The following SLC24A2 variants were observed in gnomAD, a reference collection of about 807,000 sequenced individuals.
SLC24A2 encodes sodium/potassium/calcium exchanger 2.
A neutral mutation model predicts 62.0 loss-of-function variants in SLC24A2; 36 were observed. The observed-to-expected ratio is 0.58, with a 90% CI of 0.44 to 0.77. SLC24A2 has a LOEUF of 0.77. SLC24A2 is among the 30% of genes least tolerant of loss of function. The pLI is 0.00. For missense variants in SLC24A2, 846 were observed against 817.9 expected (o/e 1.03, Z -0.42); for synonymous variants, 358 against 294.0 (o/e 1.22, Z -2.23).
the SLC24A2 span, among the ~76,000 whole-genome samples, chr9:19,820,014 TATATATATATACACATATATATATATAC>T: frequency 3.7e-5 from 4 of 106,990 alleles, no homozygotes; most frequent in African/African-American, 7.0e-5. Context: ...TATGTGTATA[TATATATATATACACATATATATATATAC>T]ATATATATAT....
At chr9:19,840,775 T>C in the SLC24A2 span, among the ~76,000 whole-genome samples, 1 of 152,108 alleles carries the variant, frequency 6.6e-6, no homozygotes, top group East Asian at 1.9e-4. Flanking sequence ...TTGAGCTCCC[T>C]TCCCCTCTCT....
intron 2 of SLC24A2, among the ~76,000 whole-genome samples, chr9:19,730,939 T>C (rs1413491225): frequency 6.6e-6 from 1 of 152,164 alleles, no homozygotes; most frequent in East Asian, 1.9e-4. Context: ...ATATTCATCT[T>C]TCAAGCACCT....
chr9:19,785,940 T>G lies in SLC24A2; in HGVS notation c.927A>C (p.Ala309=). ...ATAAAAATCCACCACCACCAACCTT[T>G]GCTTGGGCTTCTGGTGCTGTCACCT... ...VVKVTAPEAQ[A]KPSAARDKDE... is the part of the protein sequence containing the mutation. Residue 309 remains alanine, a synonymous_variant, in exon 2 of 11, where the codon GCA becomes GCC. Transcript: ENST00000341998. 6.2e-7 allele frequency: 1 copy of G among 1,614,200 alleles called. No homozygotes were observed. Among genetic ancestry groups the G allele is most frequent in the Non-Finnish European group, 8.5e-7 (1 of 1,180,026 alleles).
chr9:20,053,542 A>C, the SLC24A2 span, among the ~76,000 whole-genome samples: 1 of 152,110 alleles, frequency 6.6e-6, no homozygotes, highest in Non-Finnish European at 1.5e-5. Flanking sequence ...CTGAAAATTC[A>C]TATGTTGAAA....
intron 8 of SLC24A2, among the ~76,000 whole-genome samples, chr9:19,536,199 T>G (rs894568637): frequency 1.5e-4 from 23 of 150,348 alleles, no homozygotes; most frequent in Admixed American, 1.3e-3. Flanking sequence ...ATTTTTTATT[T>G]ATTTATTTTT....
At position 19,511,461 on chromosome 9, in the gene SLC24A2, T is replaced by G. The variant is rs1017210940; in HGVS notation, c.*4692A>C. The G allele has an allele frequency of 4.6e-5, 7 of 152,214 alleles. No individual in the cohort carries two copies. The highest frequency in any genetic ancestry group is 3.3e-4 in the Admixed American group (5 of 15,280). 9.4% of individuals were successfully genotyped at this position (152,214 alleles called of 1,614,324 possible). ...CCTGATATTTGTTACTGTTTTAAAC[T>G]ACATAGGGATATATTTCCACGTGAC... is the stretch of plus-strand genomic sequence containing the variant. On this transcript the variant is annotated 3_prime_UTR_variant, in exon 11 of 11. Transcript: ENST00000341998.
the SLC24A2 span, among the ~76,000 whole-genome samples, chr9:19,828,793 T>A: frequency 6.6e-6 from 1 of 152,164 alleles, no homozygotes; most frequent in African/African-American, 2.4e-5. Context: ...TGTTGGCAAG[T>A]CATCCAGCAT....
At chr9:19,709,869 G>T (rs1331326611) in intron 2 of SLC24A2, among the ~76,000 whole-genome samples, 1 of 151,810 alleles carries the variant, frequency 6.6e-6, no homozygotes, top group Non-Finnish European at 1.5e-5. Context: ...CCTGCACATT[G>T]TGCACATGTA....
the SLC24A2 span, among the ~76,000 whole-genome samples, chr9:20,055,063 A>G: frequency 5.9e-5 from 9 of 152,212 alleles, no homozygotes; most frequent in Non-Finnish European, 1.0e-4. Context: ...TGACAAGCAA[A>G]AAAAGGAGAT....
At chr9:20,042,316 C>A in the SLC24A2 span, among the ~76,000 whole-genome samples, 13 of 152,206 alleles carry the variant, frequency 8.5e-5, no homozygotes, top group Admixed American at 6.5e-5. Flanking sequence ...GAAATCTGAA[C>A]TGAGTGTACA....
At chr9:20,214,656 A>G in the SLC24A2 span, among the ~76,000 whole-genome samples, 1 of 152,026 alleles carries the variant, frequency 6.6e-6, no homozygotes, top group East Asian at 1.9e-4. Context: ...AAAAGGGTAA[A>G]TCTCATGTTA....
the SLC24A2 span, among the ~76,000 whole-genome samples, chr9:19,836,376 T>TA: frequency 6.6e-6 from 1 of 151,630 alleles, no homozygotes; most frequent in African/African-American, 2.4e-5. Flanking sequence ...ACAGACGCAA[T>TA]AAAAAATGAC....
At chr9:20,106,419 C>T in the SLC24A2 span, among the ~76,000 whole-genome samples, 1 of 152,170 alleles carries the variant, frequency 6.6e-6, no homozygotes, top group South Asian at 2.1e-4. Context: ...AGACCAATAT[C>T]CTTGATGAAC....
the SLC24A2 span, among the ~76,000 whole-genome samples, chr9:19,836,812 T>C: frequency 6.6e-6 from 1 of 152,102 alleles, no homozygotes; most frequent in Non-Finnish European, 1.5e-5. Flanking sequence ...TGATGAACAT[T>C]GATGCAAAAA....
At chr9:19,780,700 CG>C (rs978764615) in intron 2 of SLC24A2, among the ~76,000 whole-genome samples, 6 of 151,312 alleles carry the variant, frequency 4.0e-5, no homozygotes, top group African/African-American at 1.5e-4. Context: ...GGTGAAACCC[CG>C]TCTCTTCTAA....
At chr9:19,652,619 C>T (rs1298146461) in intron 2 of SLC24A2, among the ~76,000 whole-genome samples, 1 of 152,062 alleles carries the variant, frequency 6.6e-6, no homozygotes, top group African/African-American at 2.4e-5. Context: ...AGAAACACAC[C>T]CCAACCAACA....
At chr9:20,223,407 T>A in the SLC24A2 span, among the ~76,000 whole-genome samples, 3 of 152,138 alleles carry the variant, frequency 2.0e-5, no homozygotes, top group Non-Finnish European at 4.4e-5. Flanking sequence ...GGAGGATCAA[T>A]TGAGGCCAGT....
intron 9 of SLC24A2, among the ~76,000 whole-genome samples, chr9:19,521,265 C>G (rs751003914): frequency 1.3e-5 from 2 of 152,146 alleles, no homozygotes; most frequent in Non-Finnish European, 2.9e-5. Flanking sequence ...CAGGAATGTT[C>G]ACATGAAAAT....
At chr9:19,933,466 CCATTCATT>C in the SLC24A2 span, among the ~76,000 whole-genome samples, 17 of 152,082 alleles carry the variant, frequency 1.1e-4, no homozygotes, top group African/African-American at 3.9e-4. Context: ...ATTCTTAGTT[CCATTCATT>C]CATTCATTCA....
Sources: allele counts gnomAD v4.1 joint callset (sites outside exome capture counted in the v4.1 genomes callset), GRCh38; gene constraint gnomAD v4.1.1; transcripts MANE v1.5; gene names NCBI Gene and HGNC (gene_info 2026-07-23, HGNC 2026-07-21).